VEPH1: variants seen among roughly 807,000 people sequenced by gnomAD.
The protein encoded by VEPH1 is ventricular zone expressed PH domain containing 1.
A neutral mutation model predicts 85.2 loss-of-function variants in VEPH1; 80 were observed. The ratio of observed to expected loss-of-function variants is 0.94; its 90% confidence interval spans 0.78 to 1.13. VEPH1 has a LOEUF of 1.13. Ranked by LOEUF, VEPH1 falls within the 50% of genes most tolerant of loss-of-function variation. The probability of loss-of-function intolerance (pLI) is 0.00; values close to 1 mark genes in which losing one functional copy is unlikely to be tolerated. For missense variants in VEPH1, 955 were observed against 980.5 expected (o/e 0.97, Z 0.35); for synonymous variants, 297 against 348.0 (o/e 0.85, Z 1.63).
At chr3:157,329,119 CTTATAAA>C (rs1722234568) in intron 9 of VEPH1, among the ~76,000 whole-genome samples, 1 of 152,204 alleles carries the variant, frequency 6.6e-6, no homozygotes, top group African/African-American at 2.4e-5. Flanking sequence ...TGATTTAAAT[CTTATAAA>C]TTATATATCA....
intron 2 of VEPH1, among the ~76,000 whole-genome samples, chr3:157,477,113 C>T (rs1209037210): frequency 1.3e-5 from 2 of 151,816 alleles, no homozygotes; most frequent in Admixed American, 1.3e-4. Context: ...TTCTGCAGGT[C>T]AGAAGTCAAA....
chr3:157,400,425 T>C (rs1474641770), intron 6 of VEPH1, among the ~76,000 whole-genome samples: 1 of 152,118 alleles, frequency 6.6e-6, no homozygotes, highest in African/African-American at 2.4e-5. Flanking sequence ...AAGTTAAGTG[T>C]GGAACTTAGT....
chr3:157,501,486 A>G (rs1298057319), intron 1 of VEPH1, among the ~76,000 whole-genome samples: 1 of 152,184 alleles, frequency 6.6e-6, no homozygotes, highest in Non-Finnish European at 1.5e-5. Flanking sequence ...GTGAGAAAGG[A>G]GTGGCCCTCC....
At chr3:157,374,746 G>C (rs1382785056) in intron 7 of VEPH1, among the ~76,000 whole-genome samples, 1 of 152,116 alleles carries the variant, frequency 6.6e-6, no homozygotes, top group Non-Finnish European at 1.5e-5. Flanking sequence ...CTGGAGTCTT[G>C]GTTCTGAATG....
chr3:157,337,986 A>G (rs1201735928), intron 9 of VEPH1, among the ~76,000 whole-genome samples: 1 of 152,132 alleles, frequency 6.6e-6, no homozygotes, highest in African/African-American at 2.4e-5. Context: ...AATAGTTATT[A>G]TGTTCTGGGG....
chr3:157,482,647 T>A (rs966439945), intron 2 of VEPH1, among the ~76,000 whole-genome samples: 1 of 152,230 alleles, frequency 6.6e-6, no homozygotes, highest in African/African-American at 2.4e-5. Flanking sequence ...GTTTGTGTCA[T>A]CTGTGATTTC....
intron 7 of VEPH1, among the ~76,000 whole-genome samples, chr3:157,364,927 T>C (rs938394358): frequency 3.3e-5 from 5 of 152,240 alleles, no homozygotes; most frequent in Non-Finnish European, 7.3e-5. Context: ...ATGCACTGTA[T>C]AAACTCATGG....
intron 9 of VEPH1, among the ~76,000 whole-genome samples, chr3:157,337,022 T>C (rs898710091): frequency 1.3e-5 from 2 of 151,582 alleles, no homozygotes; most frequent in Admixed American, 1.3e-4. Flanking sequence ...CATTTTTCTG[T>C]ATTTTAAACT....
intron 7 of VEPH1, among the ~76,000 whole-genome samples, chr3:157,369,189 A>AAAAAAAAAAAAAC (rs1727158622): frequency 7.0e-6 from 1 of 143,118 alleles, no homozygotes; most frequent in Non-Finnish European, 1.5e-5. Flanking sequence ...TGAAAAAAAA[A>AAAAAAAAAAAAAC]AAAAAAAAAA....
intron 11 of VEPH1, among the ~76,000 whole-genome samples, chr3:157,290,983 T>C (rs1717411818): frequency 1.3e-5 from 2 of 152,218 alleles, no homozygotes; most frequent in African/African-American, 2.4e-5. Flanking sequence ...TTTTATAATG[T>C]GGTCTATGTA....
chr3:157,377,901 TATATA>T (rs1288780429), intron 7 of VEPH1, among the ~76,000 whole-genome samples: 3 of 127,988 alleles, frequency 2.3e-5, no homozygotes, highest in Non-Finnish European at 4.8e-5. Context: ...GTAACACACT[TATATA>T]ATATTTTTTC....
chr3:157,362,195 T>TA (rs1726126331), intron 9 of VEPH1, among the ~76,000 whole-genome samples: 1 of 152,004 alleles, frequency 6.6e-6, no homozygotes, highest in Admixed American at 6.5e-5. Context: ...CATGGCCTGC[T>TA]AATTTCTGTA....
chr3:157,442,937 C>T (rs1734254997), intron 4 of VEPH1: 1 of 1,613,522 alleles, frequency 6.2e-7, no homozygotes, highest in Non-Finnish European at 8.5e-7. Flanking sequence ...GGTGGGGAGT[C>T]ACAGAGATCC....
chr3:157,300,605 TA>T (rs1371683440), intron 11 of VEPH1, among the ~76,000 whole-genome samples: 1 of 152,228 alleles, frequency 6.6e-6, no homozygotes, highest in Non-Finnish European at 1.5e-5. Flanking sequence ...GTATATTAAT[TA>T]GCCAAGAGTA....
At chr3:157,302,389 G>A (rs928175852) in intron 11 of VEPH1, among the ~76,000 whole-genome samples, 2 of 152,138 alleles carry the variant, frequency 1.3e-5, no homozygotes, top group East Asian at 3.9e-4. Context: ...TTCATACACC[G>A]AAATCCTATC....
intron 7 of VEPH1, among the ~76,000 whole-genome samples, chr3:157,374,476 C>T (rs1334455226): frequency 2.0e-5 from 3 of 152,218 alleles, no homozygotes; most frequent in Non-Finnish European, 4.4e-5. Flanking sequence ...TTTGTACGAA[C>T]ATGTCTTACC....
At chr3:157,352,540 A>C (rs1213714560) in intron 9 of VEPH1, among the ~76,000 whole-genome samples, 6 of 152,226 alleles carry the variant, frequency 3.9e-5, no homozygotes, top group Non-Finnish European at 8.8e-5. Flanking sequence ...CCTCACAACT[A>C]TGAACAATCT....
rs550399165 is a variant in VEPH1, at chr3:157,466,538, C to T, written c.354+3776G>A. Among the ~76,000 whole-genome samples, 4 of 152,252 alleles carry T rather than the reference C, an allele frequency of 2.6e-5. No individual in the cohort carries two copies. The East Asian group carries it at 7.7e-4, about 29-fold the overall frequency. On this transcript the variant is annotated intron_variant, in intron 3 of 13. Coordinates refer to ENST00000362010, the MANE Select transcript of VEPH1 (RefSeq NM_001167912.2). ...TTTAGCAATTGTACTGTGTAAACAC[C>T]GTATATGTAATATCATTTTTAACTT...
At position 157,469,829 on chromosome 3, in the gene VEPH1, A is replaced by G. The variant is rs1736751778; in HGVS notation, c.354+485T>C. Among the ~76,000 whole-genome samples the G allele has an allele frequency of 2.6e-5, 4 of 152,328 alleles. No homozygotes were observed. In the South Asian group the frequency reaches 8.3e-4, roughly 32 times the overall value. On this transcript the variant is annotated intron_variant, in intron 3 of 13. Transcript: ENST00000362010. ...CACATTTATACCAGAGGAAATAATT[A>G]ACTGTGGTCAGAACGGGCAAATATC...
Sources: gnomAD v4.1 joint callset for allele counts (sites outside exome capture counted in the v4.1 genomes callset) on GRCh38, gnomAD v4.1.1 for gene constraint, MANE v1.5 for transcripts, NCBI Gene and HGNC (gene_info 2026-07-23, HGNC 2026-07-21) for gene names.